Variants in TECPR2 observed in about 807,000 individuals in gnomAD.
TECPR2 encodes the protein tectonin beta-propeller repeat containing 2.
TECPR2 carries 65 observed loss-of-function variants against 138.1 expected under a neutral mutation model. That is an observed-to-expected ratio of 0.47 (90% CI 0.39 to 0.58). The LOEUF (loss-of-function observed/expected upper bound fraction) is 0.58, where lower values mean the gene tolerates loss of function less well. TECPR2 is among the 20% of genes least tolerant of loss of function. The pLI, the probability that TECPR2 is intolerant of heterozygous loss-of-function variation, is 0.00. For synonymous variants in TECPR2, 746 were observed against 749.8 expected (o/e 0.99, Z 0.08); for missense variants, 1,553 against 1,824.5 (o/e 0.85, Z 2.71).
chr14:102,498,928 A>G lies in TECPR2; in HGVS notation c.*671A>G, dbSNP rs1891368215. 1.5e-6 allele frequency: 1 copy of G among 685,408 alleles called. No homozygotes were observed. The highest frequency in any genetic ancestry group is 2.7e-6 in the Non-Finnish European group (1 of 375,058). The allele number at this position is 685,408 out of a possible 1,614,324, so 42.5% of individuals were successfully genotyped here. A position where few individuals can be genotyped will look rare whatever the true frequency, so the allele number is the denominator to read the frequency against. On this transcript the variant is annotated 3_prime_UTR_variant, in exon 20 of 20. Coordinates refer to ENST00000359520, the MANE Select transcript of TECPR2 (RefSeq NM_014844.5). ...ACCACACCACACCGCACTGCACCAT[A>G]CCTCACCACATCTCACCACACCACA...
In TECPR2 at chr14:102,425,189, C is replaced by G. The variant is rs758225483; in HGVS notation, c.849C>G (p.Ser283Arg). Reference sequence around the variant, plus strand: ...AATCCCCCAACAGTGGAAGTTGCAGCTTACCTGAGAGGCACCTGGGGCTTG... The same window carrying G: ...AATCCCCCAACAGTGGAAGTTGCAGGTTACCTGAGAGGCACCTGGGGCTTG... ...RLESPNSGSC[S>R]LPERHLGLVS... is the part of the protein sequence containing the mutation. Residue 283 changes from serine to arginine, a missense_variant, in exon 6 of 20, where the codon AGC (serine) becomes AGG (arginine). Physicochemically the swap from Ser to Arg is moderately radical, Grantham distance 110. Coordinates refer to ENST00000359520, the MANE Select transcript of TECPR2 (RefSeq NM_014844.5). 6.2e-7 allele frequency: 1 copy of G among 1,614,178 alleles called. No homozygotes were observed. Among genetic ancestry groups the G allele is most frequent in the Non-Finnish European group, 8.5e-7 (1 of 1,180,034 alleles).
At chr14:102,380,985 T>G (rs1887796086) in intron 2 of TECPR2, among the ~76,000 whole-genome samples, 1 of 150,726 alleles carries the variant, frequency 6.6e-6, no homozygotes, top group Non-Finnish European at 1.5e-5. Context: ...GCTTGTTTTT[T>G]TTTTTTTTTG....
intron 10 of TECPR2, 140 bp downstream of exon 10, chr14:102,438,345 C>T (rs1185607332): frequency 9.0e-7 from 1 of 1,112,444 alleles, no homozygotes; most frequent in African/African-American, 1.6e-5. Flanking sequence ...ACCAGGTTTG[C>T]CTCTTCAGGA....
chr14:102,436,176 A>ACAAGGT (rs1889665259), intron 9 of TECPR2, among the ~76,000 whole-genome samples: 1 of 152,258 alleles, frequency 6.6e-6, no homozygotes, highest in African/African-American at 2.4e-5. Flanking sequence ...GACAGCTTGC[A>ACAAGGT]CAAGGTCACA....
At chr14:102,451,083 A>C (rs1159108079) in intron 15 of TECPR2, among the ~76,000 whole-genome samples, 1 of 152,216 alleles carries the variant, frequency 6.6e-6, no homozygotes, top group Admixed American at 6.5e-5. Context: ...GCACCGCATT[A>C]GGCAGACCTG....
chr14:102,384,374 G>T (rs75674481), intron 2 of TECPR2, among the ~76,000 whole-genome samples: 6,044 of 151,918 alleles, frequency 0.04, 137 homozygotes, highest in Middle Eastern at 0.088. Flanking sequence ...GGGACCAGGT[G>T]TGTATCAAGA....
intron 2 of TECPR2, among the ~76,000 whole-genome samples, chr14:102,400,468 T>C (rs532875209): frequency 4.6e-5 from 7 of 152,330 alleles, no homozygotes; most frequent in Middle Eastern, 3.4e-3. Flanking sequence ...TTTTGTGATA[T>C]CAGTAAGCAA....
intron 4 of TECPR2, among the ~76,000 whole-genome samples, chr14:102,413,755 G>A (rs944323893): frequency 2.0e-5 from 3 of 151,910 alleles, no homozygotes; most frequent in Admixed American, 6.6e-5. Context: ...GTTAGCAGTC[G>A]TATGCCTTCT....
At chr14:102,388,691 G>A (rs1219115921) in intron 2 of TECPR2, among the ~76,000 whole-genome samples, 3 of 151,972 alleles carry the variant, frequency 2.0e-5, no homozygotes, top group South Asian at 2.1e-4. Context: ...GGCCGGGTGC[G>A]GTGCCTCACA....
intron 2 of TECPR2, among the ~76,000 whole-genome samples, chr14:102,405,849 A>G (rs956958200): frequency 1.3e-5 from 2 of 152,206 alleles, no homozygotes; most frequent in Non-Finnish European, 2.9e-5. Context: ...AGTAAGCCTT[A>G]AAAAGGAAGG....
intron 17 of TECPR2, among the ~76,000 whole-genome samples, chr14:102,473,308 C>T (rs1890687587): frequency 6.6e-6 from 1 of 152,208 alleles, no homozygotes; most frequent in Non-Finnish European, 1.5e-5. Flanking sequence ...CTTTAAATCG[C>T]AGAGGGTCCT....
intron 2 of TECPR2, among the ~76,000 whole-genome samples, chr14:102,400,561 T>C (rs1403996783): frequency 6.6e-6 from 1 of 152,228 alleles, no homozygotes; most frequent in African/African-American, 2.4e-5. Context: ...ATTAGTGTTA[T>C]AACTTTAGGA....
chr14:102,406,068 G>A (rs1888650163), intron 2 of TECPR2, among the ~76,000 whole-genome samples: 4 of 150,566 alleles, frequency 2.7e-5, no homozygotes, highest in Admixed American at 6.7e-5. Flanking sequence ...GTTGCCAGGG[G>A]CTGGGGGGAG....
intron 15 of TECPR2, among the ~76,000 whole-genome samples, chr14:102,451,334 T>C (rs1890136005): frequency 1.3e-5 from 2 of 152,336 alleles, no homozygotes; most frequent in African/African-American, 4.8e-5. Flanking sequence ...CTGTGAAATC[T>C]GTGGTGAAGA....
intron 17 of TECPR2, among the ~76,000 whole-genome samples, chr14:102,479,009 C>A (rs1420365717): frequency 1.8e-4 from 25 of 136,336 alleles, no homozygotes; most frequent in African/African-American, 6.9e-4. Flanking sequence ...AGAGTAAGGC[C>A]CTGTCTCAAA....
intron 2 of TECPR2, among the ~76,000 whole-genome samples, chr14:102,377,679 C>T (rs1473708185): frequency 6.6e-6 from 1 of 151,976 alleles, no homozygotes; most frequent in Non-Finnish European, 1.5e-5. Context: ...GCACTCCAGC[C>T]TGGGTGACAG....
chr14:102,363,834 G>A (rs959070716), intron 1 of TECPR2, among the ~76,000 whole-genome samples: 3 of 152,188 alleles, frequency 2.0e-5, no homozygotes, highest in South Asian at 2.1e-4. Flanking sequence ...TGCATGTAAA[G>A]TTAAGCACGG....
chr14:102,426,159 T>A (rs1183777467), intron 6 of TECPR2, among the ~76,000 whole-genome samples: 3 of 152,120 alleles, frequency 2.0e-5, no homozygotes, highest in Non-Finnish European at 2.9e-5. Flanking sequence ...GTGCTGGGGT[T>A]ACAGGCGTGA....
At chr14:102,493,295 G>T (rs1891197709) in intron 17 of TECPR2, among the ~76,000 whole-genome samples, 1 of 152,242 alleles carries the variant, frequency 6.6e-6, no homozygotes, top group African/African-American at 2.4e-5. Flanking sequence ...GAATGGCGAG[G>T]CCTGGGCCGC....
Sources: gnomAD v4.1 joint callset for allele counts (sites outside exome capture counted in the v4.1 genomes callset) on GRCh38, gnomAD v4.1.1 for gene constraint, MANE v1.5 for transcripts, NCBI Gene and HGNC (gene_info 2026-07-23, HGNC 2026-07-21) for gene names.